The following NEK6 variants were observed in gnomAD, a reference collection of about 807,000 sequenced individuals.
NEK6 encodes the protein NIMA related kinase 6.
NEK6 carries 27 observed loss-of-function variants against 43.5 expected under a neutral mutation model. The observed-to-expected ratio is 0.62, with a 90% CI of 0.46 to 0.86. NEK6 has a LOEUF of 0.86. Among genes scored for constraint, NEK6 ranks in the 40% least tolerant of loss-of-function variants. The pLI is 0.00. For synonymous variants in NEK6, 167 were observed against 164.1 expected, an observed-to-expected ratio of 1.02 and a Z score of -0.14; for missense variants, 318 against 414.4, an observed-to-expected ratio of 0.77 and a Z score of 2.02.
In NEK6 at chr9:124,350,876, C is replaced by G. The variant is rs146443565; in HGVS notation, c.871C>G (p.His291Asp). ...LVSMCICPDP[H>D]QRPDIGYVHQ... ...CAGCATGTGCATCTGCCCTGACCCC[C>G]ACCAGAGACCTGACATCGGATACGT... The change falls in exon 10 of 10, where the codon CAC becomes GAC. Residue 291 changes from histidine to aspartate, a missense_variant. Around this residue, in one of 2 missense-constraint regions of NEK6, gnomAD observed 79 missense variants for 70.0 expected, o/e 1.13. Transcript: ENST00000320246. The G allele has an allele frequency of 3.9e-4, 625 of 1,612,840 alleles. 8 individuals are homozygous for G. The highest frequency in any genetic ancestry group is 3.6e-3 in the South Asian group (325 of 91,068).
At chr9:124,274,944 T>C (rs73666847) in intron 1 of NEK6, among the ~76,000 whole-genome samples, 2,444 of 152,282 alleles carry the variant, frequency 0.016, 73 homozygotes, top group African/African-American at 0.055. Flanking sequence ...ATGTCTGCTG[T>C]GTGCACAGGA....
At chr9:124,306,947 G>A (rs755222746) in intron 2 of NEK6, among the ~76,000 whole-genome samples, 25 of 152,180 alleles carry the variant, frequency 1.6e-4, no homozygotes, top group Admixed American at 8.5e-4. Flanking sequence ...TCATAGAAAC[G>A]GTTGCCTTAA....
chr9:124,272,583 G>C (rs540459869), intron 1 of NEK6, among the ~76,000 whole-genome samples: 1 of 152,332 alleles, frequency 6.6e-6, no homozygotes, highest in Non-Finnish European at 1.5e-5. Flanking sequence ...AGGCCTCATC[G>C]GGCTTTGCTT....
intron 1 of NEK6, among the ~76,000 whole-genome samples, chr9:124,297,656 G>A (rs1407441078): frequency 6.6e-6 from 1 of 152,242 alleles, no homozygotes; most frequent in Non-Finnish European, 1.5e-5. Flanking sequence ...GGTGTTCAGT[G>A]TGGCCTGCAG....
chr9:124,348,924 A>G (rs955708873), intron 9 of NEK6, among the ~76,000 whole-genome samples: 9 of 152,260 alleles, frequency 5.9e-5, no homozygotes, highest in African/African-American at 2.2e-4. Context: ...ATCTGAACCC[A>G]CATGCGCAGC....
At position 124,321,558 on chromosome 9, in the gene NEK6, C is replaced by A; in HGVS notation, c.394C>A (p.Gln132Lys). ...LELADAGDLS[Q>K]MIKYFKKQKR... The stretch of plus-strand genomic sequence containing the variant: ...GTTGGCTGACGCAGGGGACCTCTCG[C>A]AGATGATCAAGGTGAGCGCCTGGCG... The change falls in exon 5 of 10, where the codon CAG becomes AAG. Residue 132 changes from glutamine to lysine, a missense_variant. Transcript: ENST00000320246. 1 of 1,610,758 alleles carries A rather than the reference C, an allele frequency of 6.2e-7. No homozygotes were observed. Among genetic ancestry groups the A allele is most frequent in the Non-Finnish European group, 8.5e-7 (1 of 1,176,908 alleles).
chr9:124,273,552 G>GT (rs1020639889), intron 1 of NEK6, among the ~76,000 whole-genome samples: 9 of 152,320 alleles, frequency 5.9e-5, no homozygotes, highest in Non-Finnish European at 8.8e-5. Flanking sequence ...GGGTGATGGG[G>GT]TTTTATAGCA....
intron 2 of NEK6, among the ~76,000 whole-genome samples, chr9:124,308,873 G>A (rs1470802329): frequency 2.0e-5 from 3 of 152,236 alleles, no homozygotes; most frequent in African/African-American, 7.2e-5. Context: ...GCCTGTGTGT[G>A]GACGACCAGC....
chr9:124,336,459 G>A (rs960199885), intron 7 of NEK6, among the ~76,000 whole-genome samples: 1 of 152,142 alleles, frequency 6.6e-6, no homozygotes, highest in Non-Finnish European at 1.5e-5. Flanking sequence ...AGTTACCTGT[G>A]TTTTTCCCGA....
intron 1 of NEK6, among the ~76,000 whole-genome samples, chr9:124,290,431 T>C (rs1182482105): frequency 1.3e-5 from 2 of 152,238 alleles, no homozygotes; most frequent in Non-Finnish European, 2.9e-5. Context: ...TGGGGCCGGC[T>C]GGTGGGAAGG....
Position 124,353,201 on chromosome 9 carries a change from AAAACC to A in NEK6, c.*2265_*2269del, listed in dbSNP as rs1830343341. ...TGTGCTGCACTTATCACCCCATTTC[AAAACC>A]AAACCAAACCTGAGGCCACCCCAAA... On this transcript the variant is annotated 3_prime_UTR_variant, in exon 10 of 10. Coordinates refer to ENST00000320246, the MANE Select transcript of NEK6 (RefSeq NM_014397.6). The A allele has an allele frequency of 4.8e-6, 1 of 206,710 alleles. No homozygotes were observed. Among genetic ancestry groups the A allele is most frequent in the African/African-American group, 2.3e-5 (1 of 42,566 alleles). The allele number at this position is 206,710 out of a possible 1,614,324, so 12.8% of individuals were successfully genotyped here.
chr9:124,323,555 A>AG (rs1834178516), intron 5 of NEK6, among the ~76,000 whole-genome samples: 1 of 152,182 alleles, frequency 6.6e-6, no homozygotes, highest in African/African-American at 2.4e-5. Flanking sequence ...ACGGGAACGC[A>AG]GCCCGTGGAG....
chr9:124,293,733 C>A (rs780810060), intron 1 of NEK6, among the ~76,000 whole-genome samples: 3 of 152,196 alleles, frequency 2.0e-5, no homozygotes, highest in Non-Finnish European at 4.4e-5. Context: ...ATTCTGCCAA[C>A]GCCCCCTGGG....
At chr9:124,286,057 C>T (rs1015998025) in intron 1 of NEK6, among the ~76,000 whole-genome samples, 2 of 152,172 alleles carry the variant, frequency 1.3e-5, no homozygotes, top group Non-Finnish European at 2.9e-5. Flanking sequence ...CTCCTAGTCT[C>T]GTGAACGGTT....
At chr9:124,280,093 G>T (rs1256845952) in intron 1 of NEK6, among the ~76,000 whole-genome samples, 2 of 152,256 alleles carry the variant, frequency 1.3e-5, no homozygotes, top group African/African-American at 4.8e-5. Flanking sequence ...GTCAGCTGGG[G>T]CCTCTCTCAC....
In NEK6 at chr9:124,326,202, T is replaced by TACCCCCCCCCC; in HGVS notation, c.406-128_406-127insACCCCCCCCCC. 1.6e-5 allele frequency: 2 copies of TACCCCCCCCCC among 124,052 alleles called. No individual in the cohort carries two copies. The highest frequency in any genetic ancestry group is 6.5e-5 in the South Asian group (1 of 15,360). 7.7% of individuals were successfully genotyped at this position (124,052 alleles called of 1,614,324 possible). A position where few individuals can be genotyped will look rare whatever the true frequency, so the allele number is the denominator to read the frequency against. ...GCTTATTGTTTGCTCAGTGGCTCAA[T>TACCCCCCCCCC]CCCCCCCCCCCGCCCCTGCCAGGCA... On this transcript the variant is annotated intron_variant, in intron 5 of 9. Transcript: ENST00000320246. The surrounding 1 kb of genome is among the most constrained non-coding windows in gnomAD (Gnocchi z 4.5).
In NEK6 at chr9:124,258,585, G is replaced by A. The variant is rs141410950; in HGVS notation, c.-30+500G>A. Among the ~76,000 whole-genome samples the A allele has an allele frequency of 8.9e-3, 1,362 of 152,342 alleles. 22 individuals carry two copies. Among genetic ancestry groups the A allele is most frequent in the African/African-American group, 0.03 (1,263 of 41,582 alleles). On this transcript the variant is annotated intron_variant, in intron 1 of 9. Transcript: ENST00000320246. ...GGTGTGAGTATAACGAGTGTGCAGG[G>A]CCGTGCGAGCGTGTTTATTACTGAG... is the stretch of plus-strand genomic sequence containing the variant.
intron 1 of NEK6, among the ~76,000 whole-genome samples, chr9:124,282,268 C>T (rs752845404): frequency 1.0e-3 from 156 of 152,134 alleles, no homozygotes; most frequent in Non-Finnish European, 3.2e-4. Flanking sequence ...TTCCTTGTTC[C>T]GTGTTCCGTG....
intron 2 of NEK6, among the ~76,000 whole-genome samples, chr9:124,312,235 A>G (rs1833566892): frequency 1.3e-5 from 2 of 152,182 alleles, no homozygotes; most frequent in Admixed American, 1.3e-4. Context: ...CAGCAAACAA[A>G]CAAGCAGTCA....
Sources: gnomAD v4.1 joint callset for allele counts (sites outside exome capture counted in the v4.1 genomes callset) on GRCh38, gnomAD v4.1.1 for gene constraint, gnomAD v4.1.1 regional missense constraint, Gnocchi (gnomAD v3.1) non-coding constraint, MANE v1.5 for transcripts, NCBI Gene and HGNC (gene_info 2026-07-23, HGNC 2026-07-21) for gene names.